The following ZNF90 variants were observed in gnomAD, a reference collection of about 807,000 sequenced individuals.
The protein encoded by ZNF90 is zinc finger protein 90.
In ZNF90, 11 loss-of-function variants were observed where a neutral mutation model predicts 12.0. The ratio of observed to expected loss-of-function variants is 0.92; its 90% CI spans 0.58 to 1.52. The LOEUF is 1.52. ZNF90 is among the 40% of genes most tolerant of loss of function. The pLI, the probability that ZNF90 is intolerant of heterozygous loss-of-function variation, is 0.00. For missense variants in ZNF90, 765 were observed against 711.5 expected (o/e 1.08, Z -0.86); for synonymous variants, 232 against 240.1 (o/e 0.97, Z 0.31).
At chr19:20,081,810 G>A (rs2088822058) in intron 1 of ZNF90, among the ~76,000 whole-genome samples, 1 of 150,750 alleles carries the variant, frequency 6.6e-6, no homozygotes, top group Non-Finnish European at 1.5e-5. Flanking sequence ...TGTCATCCAG[G>A]CTGGAGTGCA....
chr19:20,118,824 C>A lies in ZNF90; in HGVS notation c.1270C>A (p.Pro424Thr). 6.2e-7 allele frequency: 1 copy of A among 1,603,510 alleles called. No homozygotes were observed. Among genetic ancestry groups the A allele is most frequent in the Non-Finnish European group, 8.5e-7 (1 of 1,174,934 alleles). ...TAAGATAAGTCATACTGAAGAGAAA[C>A]CCTACAAATGTCAAGAATGTGACAA... ...IHKISHTEEK[P>T]YKCQECDKVF... Residue 424 changes from proline (P) to threonine (T), a missense_variant, in exon 4 of 4, where the codon CCC (proline) becomes ACC (threonine). Transcript: ENST00000418063.
intron 1 of ZNF90, among the ~76,000 whole-genome samples, chr19:20,097,828 TTAAAC>T (rs1477022093): frequency 4.6e-5 from 7 of 152,244 alleles, no homozygotes; most frequent in Non-Finnish European, 1.0e-4. Context: ...TAGTTATAAA[TTAAAC>T]TAATGCCACA....
intron 3 of ZNF90, among the ~76,000 whole-genome samples, chr19:20,112,382 C>T (rs1277732288): frequency 6.6e-6 from 1 of 151,932 alleles, no homozygotes; most frequent in African/African-American, 2.4e-5. Context: ...AGTGGCATGG[C>T]ATGATTTTGG....
chr19:20,093,740 C>T (rs1184021045), intron 1 of ZNF90, among the ~76,000 whole-genome samples: 2 of 151,976 alleles, frequency 1.3e-5, no homozygotes, highest in African/African-American at 4.8e-5. Context: ...GAAAACAGGC[C>T]CTTGAAAAGA....
intron 3 of ZNF90, among the ~76,000 whole-genome samples, chr19:20,110,355 T>A (rs371736662): frequency 6.6e-6 from 1 of 152,054 alleles, no homozygotes; most frequent in Non-Finnish European, 1.5e-5. Flanking sequence ...CTTGGCTCAC[T>A]GCAACCCCTG....
intron 3 of ZNF90, among the ~76,000 whole-genome samples, chr19:20,112,533 G>T (rs1428102187): frequency 6.6e-6 from 1 of 151,458 alleles, no homozygotes; most frequent in Non-Finnish European, 1.5e-5. Flanking sequence ...TGTTGTTTAG[G>T]CTGGTCTCAG....
In ZNF90 at chr19:20,113,869, A is replaced by G. The variant is rs188917775; in HGVS notation, c.227-3912A>G. ...TCAACATCAATTTCCTTGTGAATCT[A>G]TCTTATTTTTGTGTGTCAGAAACAC... On this transcript the variant is annotated intron_variant, in intron 3 of 3. Coordinates refer to ENST00000418063, the MANE Select transcript of ZNF90 (RefSeq NM_007138.2). 1.0e-3 allele frequency among the ~76,000 whole-genome samples: 155 copies of G among 152,278 alleles called. 1 individual carries two copies. Among genetic ancestry groups the G allele is most frequent in the Middle Eastern group, 6.8e-3 (2 of 294 alleles).
chr19:20,093,182 A>G (rs1174384637), intron 1 of ZNF90, among the ~76,000 whole-genome samples: 2 of 152,240 alleles, frequency 1.3e-5, no homozygotes, highest in Non-Finnish European at 2.9e-5. Flanking sequence ...CACAGGGTGG[A>G]TAGGCAAAAC....
intron 3 of ZNF90, among the ~76,000 whole-genome samples, chr19:20,106,643 C>A (rs1217945155): frequency 1.3e-5 from 2 of 152,180 alleles, no homozygotes; most frequent in East Asian, 3.9e-4. Flanking sequence ...TTAGTAGACA[C>A]GGGGTTTCAC....
chr19:20,089,377 G>C (rs2088884417), intron 1 of ZNF90, among the ~76,000 whole-genome samples: 1 of 152,108 alleles, frequency 6.6e-6, no homozygotes, highest in African/African-American at 2.4e-5. Flanking sequence ...AGCAATAATT[G>C]CTGCGAATTT....
At chr19:20,078,696 TC>T (rs1015428628) in intron 1 of ZNF90, among the ~76,000 whole-genome samples, 3 of 152,028 alleles carry the variant, frequency 2.0e-5, no homozygotes, top group African/African-American at 7.2e-5. Context: ...TTCTCCCTTC[TC>T]CTTTTCTCAC....
chr19:20,117,945 A>G lies in ZNF90; in HGVS notation c.391A>G (p.Asn131Asp), dbSNP rs1555705876. 1.2e-6 allele frequency: 2 copies of G among 1,613,582 alleles called. No homozygotes were observed. The highest frequency in any genetic ancestry group is 1.7e-5 in the Admixed American group (1 of 59,874). The change falls in exon 4 of 4, where the codon AAT becomes GAT. Residue 131 changes from asparagine (N) to aspartate (D), a missense_variant. By Grantham distance (23) the Asn-to-Asp change is conservative (BLOSUM62 1). Transcript: ENST00000418063. ...DEGKVHKRGY[N>D]GLNQCLTATQ... Reference sequence around the variant, plus strand: ...GGGTAAAGTACACAAAAGAGGTTATAATGGACTTAACCAATGTTTGACAGC... The same window carrying G: ...GGGTAAAGTACACAAAAGAGGTTATGATGGACTTAACCAATGTTTGACAGC...
chr19:20,095,009 G>C (rs1412021362), intron 1 of ZNF90, among the ~76,000 whole-genome samples: 1 of 152,118 alleles, frequency 6.6e-6, no homozygotes, highest in Non-Finnish European at 1.5e-5. Context: ...TGGAGGAGTG[G>C]AGGCTGAGGA....
chr19:20,105,094 AT>A (rs1289509854), intron 2 of ZNF90, 126 bp from the exon 3 acceptor site: 19 of 526,806 alleles, frequency 3.6e-5, no homozygotes, highest in South Asian at 7.7e-5. Flanking sequence ...ATCTTTTGAA[AT>A]TTTTTTTATA....
intron 1 of ZNF90, among the ~76,000 whole-genome samples, chr19:20,091,311 C>T (rs1167818384): frequency 1.3e-5 from 2 of 151,976 alleles, no homozygotes; most frequent in African/African-American, 4.8e-5. Context: ...GAAGTGATCT[C>T]CTTGAGGATA....
rs985945137 is a variant in ZNF90 at position 20,107,560 on chromosome 19, C to G, written c.226+2244C>G. ...TCCTGGCCTGAAGCAGTTCTGTAAC[C>G]TTAATGTTCCATGTAGCTGTCATTA... On this transcript the variant is annotated intron_variant, in intron 3 of 3. Transcript: ENST00000418063. Among the ~76,000 whole-genome samples the G allele has an allele frequency of 2.0e-4, 31 of 152,156 alleles. 1 individual carries two copies. The highest frequency in any genetic ancestry group is 1.5e-4 in the Non-Finnish European group (10 of 68,038).
intron 1 of ZNF90, chr19:20,080,187 C>A: frequency 2.0e-6 from 1 of 508,492 alleles, no homozygotes. Context: ...CCAGGGGCAG[C>A]ACATAATGGG....
chr19:20,103,319 G>A (rs2122505279), intron 1 of ZNF90, among the ~76,000 whole-genome samples: 1 of 152,314 alleles, frequency 6.6e-6, no homozygotes, highest in South Asian at 2.1e-4. Flanking sequence ...GCCTAGGAGG[G>A]CTAGAAGCAA....
At position 20,118,459 on chromosome 19, in the gene ZNF90, T is replaced by C. The variant is rs782374480; in HGVS notation, c.905T>C (p.Val302Ala). 3 of 1,607,552 alleles carry C rather than the reference T, an allele frequency of 1.9e-6. No individual in the cohort carries two copies. The highest frequency in any genetic ancestry group is 2.5e-6 in the Non-Finnish European group (3 of 1,177,988). ...TTTATTTCATCCTCGATCCTTTATGTACATAAGATAAGTCATACTGAAGAG... is the reference window on the plus strand; with the variant it reads ...TTTATTTCATCCTCGATCCTTTATGCACATAAGATAAGTCATACTGAAGAG... ...RAFISSSILY[V>A]HKISHTEEKP... Residue 302 changes from valine (V) to alanine (A), a missense_variant, in exon 4 of 4, where the codon GTA (valine) becomes GCA (alanine). Transcript: ENST00000418063.
Sources: gnomAD v4.1 joint callset for allele counts (sites outside exome capture counted in the v4.1 genomes callset) on GRCh38, gnomAD v4.1.1 for gene constraint, MANE v1.5 for transcripts, NCBI Gene and HGNC (gene_info 2026-07-23, HGNC 2026-07-21) for gene names.